Variants in CADM2 observed in about 807,000 individuals in gnomAD.
CADM2 encodes cell adhesion molecule 2.
Under a neutral mutation model 49.8 loss-of-function variants are expected in CADM2, and 12 were observed. The observed-to-expected ratio is 0.24, with a 90% confidence interval of 0.15 to 0.39. The LOEUF (loss-of-function observed/expected upper bound fraction) is 0.39. Among genes scored for constraint, CADM2 ranks in the 10% least tolerant of loss-of-function variants. CADM2 has a pLI of 1.00. For synonymous variants in CADM2, 214 were observed against 175.4 expected (o/e 1.22, Z -1.74); for missense variants, 378 against 492.3 (o/e 0.77, Z 2.20).
intron 8 of CADM2, among the ~76,000 whole-genome samples, chr3:85,999,525 AGAAG>A (rs200882077): frequency 1.1e-3 from 158 of 147,486 alleles, no homozygotes; most frequent in African/African-American, 3.8e-3. Flanking sequence ...AGAAAAAGAA[AGAAG>A]GAAGGAAGGA....
intron 3 of CADM2, among the ~76,000 whole-genome samples, chr3:85,877,525 G>A (rs150248324): frequency 2.0e-4 from 30 of 152,020 alleles, no homozygotes; most frequent in African/African-American, 7.0e-4. Context: ...TGTGTTTTGG[G>A]AAACCGTAAG....
At chr3:85,769,503 G>A (rs1393025030) in intron 2 of CADM2, among the ~76,000 whole-genome samples, 1 of 26,366 alleles carries the variant, frequency 3.8e-5, no homozygotes, top group Non-Finnish European at 6.8e-5. Context: ...ATACATATAT[G>A]TATATATACA....
At chr3:85,706,210 C>G (rs2066944785) in intron 1 of CADM2, among the ~76,000 whole-genome samples, 1 of 152,136 alleles carries the variant, frequency 6.6e-6, no homozygotes, top group Non-Finnish European at 1.5e-5. Context: ...TCTGAATTAA[C>G]TCTACATTGT....
intron 1 of CADM2, among the ~76,000 whole-genome samples, chr3:85,463,467 C>T (rs2038347246): frequency 6.6e-6 from 1 of 152,108 alleles, no homozygotes. Context: ...TGCCTACTTC[C>T]TCAGAGTCTG....
chr3:85,575,800 A>T (rs1194387526), intron 1 of CADM2, among the ~76,000 whole-genome samples: 2 of 152,190 alleles, frequency 1.3e-5, no homozygotes, highest in Admixed American at 1.3e-4. Context: ...TATATTACAG[A>T]TAGATTTTAA....
intron 1 of CADM2, among the ~76,000 whole-genome samples, chr3:85,020,090 C>A (rs2034431182): frequency 6.6e-6 from 1 of 152,066 alleles, no homozygotes. Context: ...GTTGACTAAT[C>A]CTTGATTTCT....
intron 1 of CADM2, among the ~76,000 whole-genome samples, chr3:85,412,907 C>T (rs529824416): frequency 7.9e-4 from 119 of 151,152 alleles, no homozygotes; most frequent in Middle Eastern, 3.4e-3. Flanking sequence ...ATTGGGAGGC[C>T]GAGGCGGGCG....
At chr3:85,523,859 G>C (rs2061089874) in intron 1 of CADM2, among the ~76,000 whole-genome samples, 1 of 152,002 alleles carries the variant, frequency 6.6e-6, no homozygotes, top group African/African-American at 2.4e-5. Flanking sequence ...GAGTTTTGTT[G>C]ATCTATTTTA....
chr3:84,992,406 G>A (rs529615882), intron 1 of CADM2, among the ~76,000 whole-genome samples: 29 of 92,120 alleles, frequency 3.1e-4, no homozygotes, highest in Admixed American at 1.4e-3. Context: ...CGAGGCGGGC[G>A]GATCACGAGG....
At chr3:85,837,555 A>G (rs2074463196) in intron 3 of CADM2, among the ~76,000 whole-genome samples, 1 of 151,536 alleles carries the variant, frequency 6.6e-6, no homozygotes, top group Admixed American at 6.6e-5. Flanking sequence ...TTTTTTTCCA[A>G]TTGTGTCAGT....
At chr3:85,228,833 T>A (rs962957807) in intron 1 of CADM2, among the ~76,000 whole-genome samples, 2 of 152,096 alleles carry the variant, frequency 1.3e-5, no homozygotes, top group African/African-American at 4.8e-5. Flanking sequence ...TCTGTCCATT[T>A]TCATATCTTG....
At chr3:85,232,099 G>A (rs921309447) in intron 1 of CADM2, among the ~76,000 whole-genome samples, 1 of 150,338 alleles carries the variant, frequency 6.7e-6, no homozygotes, top group Admixed American at 6.7e-5. Context: ...ATGCTCCTTG[G>A]CCCCTTTTTT....
rs72909278 is a variant in CADM2 at position 85,556,014 on chromosome 3, C to A, written c.62-170508C>A. The stretch of plus-strand genomic sequence containing the variant: ...ATGTAAAATTGGCCCTTGAAGAACA[C>A]AAGGATCAGGGGCATTGACCCCCAT... On this transcript the variant is annotated intron_variant, in intron 1 of 9. Transcript: ENST00000383699. 1.9e-3 allele frequency among the ~76,000 whole-genome samples: 290 copies of A among 152,068 alleles called. 2 individuals carry two copies. Among genetic ancestry groups the A allele is most frequent in the African/African-American group, 6.3e-3 (260 of 41,468 alleles).
intron 2 of CADM2, among the ~76,000 whole-genome samples, chr3:85,757,168 A>T (rs189016521): frequency 6.6e-6 from 1 of 152,302 alleles, no homozygotes; most frequent in East Asian, 1.9e-4. Context: ...GCCTAGACTT[A>T]GATACCACAA....
chr3:85,081,556 T>C lies in CADM2; in HGVS notation c.61+121888T>C, dbSNP rs568691451. On this transcript the variant is annotated intron_variant, in intron 1 of 9. Coordinates refer to ENST00000383699, the MANE Select transcript of CADM2 (RefSeq NM_001167675.2). The stretch of plus-strand genomic sequence containing the variant: ...TTGTGGATAACAATTTCCTTTATTT[T>C]CTAAATAGAACAAAGGAGATTGTAA... 3.3e-5 allele frequency among the ~76,000 whole-genome samples: 5 copies of C among 152,338 alleles called. No individual in the cohort carries two copies. In the South Asian group the frequency reaches 1.0e-3, roughly 32 times the overall value.
At chr3:86,058,547 G>C (rs1172336505) in intron 8 of CADM2, among the ~76,000 whole-genome samples, 1 of 152,042 alleles carries the variant, frequency 6.6e-6, no homozygotes, top group East Asian at 1.9e-4. Context: ...TGTAAATCCA[G>C]AGTTTGTAAG....
intron 8 of CADM2, among the ~76,000 whole-genome samples, chr3:86,051,915 A>G (rs550020891): frequency 4.2e-4 from 64 of 152,090 alleles, no homozygotes; most frequent in Admixed American, 6.6e-4. Flanking sequence ...GGGAATTACA[A>G]TTTGACATGA....
intron 1 of CADM2, among the ~76,000 whole-genome samples, chr3:85,067,950 A>T (rs1164358872): frequency 2.0e-5 from 3 of 152,158 alleles, no homozygotes; most frequent in Non-Finnish European, 4.4e-5. Context: ...CCTCTTGAGA[A>T]TTGTGTGGGT....
intron 1 of CADM2, among the ~76,000 whole-genome samples, chr3:85,360,888 G>A (rs534366168): frequency 6.6e-6 from 1 of 152,160 alleles, no homozygotes; most frequent in Non-Finnish European, 1.5e-5. Flanking sequence ...TCATTCTGCA[G>A]CTACAGGGAA....
Sources: gnomAD v4.1 joint callset for allele counts (sites outside exome capture counted in the v4.1 genomes callset) on GRCh38, gnomAD v4.1.1 for gene constraint, MANE v1.5 for transcripts, NCBI Gene and HGNC (gene_info 2026-07-23, HGNC 2026-07-21) for gene names.